The following SSR2 variants were observed in gnomAD, a reference collection of about 807,000 sequenced individuals.
SSR2 encodes the protein translocon-associated protein subunit beta.
In SSR2, 16 loss-of-function variants were observed where a neutral mutation model predicts 22.6. That is an observed-to-expected ratio of 0.71 (90% confidence interval 0.48 to 1.08). The LOEUF is 1.08. Ranked by LOEUF, SSR2 falls within the 50% of genes least tolerant of loss-of-function variation. The pLI, the probability that SSR2 is intolerant of heterozygous loss-of-function variation, is 0.00. For synonymous variants in SSR2, 83 were observed against 91.2 expected (o/e 0.91, Z 0.51); for missense variants, 171 against 221.6 (o/e 0.77, Z 1.45).
rs753594816 is a variant in SSR2 at position 156,009,611 on chromosome 1, T to G, written c.481A>C (p.Ile161Leu). Reference sequence around the variant, plus strand: ...TACCACAATAGCAGGGGGATGCCGATGGAGGGAAGGGTCATGACCCCAAAG... The same window carrying G: ...TACCACAATAGCAGGGGGATGCCGAGGGAGGGAAGGGTCATGACCCCAAAG... ...AAFGVMTLPS[I>L]GIPLLLWYSS... Residue 161 changes from isoleucine to leucine, a missense_variant, in exon 6 of 6, where the codon ATC becomes CTC. By Grantham distance (5) the Ile-to-Leu change is conservative. Coordinates refer to ENST00000295702, the MANE Select transcript of SSR2 (RefSeq NM_003145.4). The G allele has an allele frequency of 1.2e-6, 2 of 1,612,872 alleles. No homozygotes were observed. The highest frequency in any genetic ancestry group is 1.7e-6 in the Non-Finnish European group (2 of 1,179,578).
Position 156,011,800 on chromosome 1 carries a change from G to C in SSR2, c.441+10C>G, listed in dbSNP as rs190198059. ...AAGGAACTGATGAGAGAGAACACTA[G>C]AAAGCTTACAAAATGAGGGGAGAAT... On this transcript the variant is annotated intron_variant, in intron 5 of 5. Transcript: ENST00000295702. 1 of 1,612,050 alleles carries C rather than the reference G, an allele frequency of 6.2e-7. No individual in the cohort carries two copies. Among genetic ancestry groups the C allele is most frequent in the African/African-American group, 1.3e-5 (1 of 74,968 alleles).
At chr1:156,013,147 G>A (rs1683002118) in intron 4 of SSR2, 1 of 152,324 alleles carries the variant, frequency 6.6e-6, no homozygotes. Context: ...AATGAATAGT[G>A]GCCGGGCACG....
intron 2 of SSR2, among the ~76,000 whole-genome samples, chr1:156,018,657 C>CA (rs1478740940): frequency 1.1e-4 from 16 of 149,266 alleles, no homozygotes; most frequent in African/African-American, 3.7e-4. Context: ...TGCAGTGAGC[C>CA]AAGATCGCAC....
chr1:156,018,240 AC>A (rs1683089780), intron 3 of SSR2, 29 bp downstream of exon 3: 10 of 1,576,698 alleles, frequency 6.3e-6, no homozygotes, highest in Non-Finnish European at 8.7e-6. Context: ...CTGCCCCCCG[AC>A]CCTTCATCAC....
At position 156,015,205 on chromosome 1, in the gene SSR2, G is replaced by GA. The variant is rs1683033152; in HGVS notation, c.255-137dup. The stretch of plus-strand genomic sequence containing the variant: ...CATGCCGGCAATATTCTGCAGGAAT[G>GA]AAAAAATATAGGCTTCTTTGCCGGG... On this transcript the variant is annotated intron_variant, in intron 3 of 5. Transcript: ENST00000295702. 4.4e-6 allele frequency: 3 copies of GA among 677,118 alleles called. No individual in the cohort carries two copies. The African/African-American group carries it at 5.5e-5, about 12-fold the overall frequency. 41.9% of individuals were successfully genotyped at this position (677,118 alleles called of 1,614,324 possible).
At chr1:156,020,603 G>C (rs1330420002) in intron 1 of SSR2, 1 of 312,700 alleles carries the variant, frequency 3.2e-6, no homozygotes, top group East Asian at 8.5e-5. Context: ...TCCCACCGCG[G>C]ACTCGCGGGG....
At chr1:156,014,550 T>A (rs1170852487) in intron 4 of SSR2, 25 of 163,124 alleles carry the variant, frequency 1.5e-4, no homozygotes, top group Non-Finnish European at 1.3e-5. Flanking sequence ...ACTATATATA[T>A]ATATTTTTTG....
At chr1:156,020,783 C>T in intron 1 of SSR2, 105 bp downstream of exon 1, 1 of 435,616 alleles carries the variant, frequency 2.3e-6, no homozygotes, top group Non-Finnish European at 4.9e-6. Context: ...CCACCGCGTC[C>T]TCTGCCCTTC....
intron 2 of SSR2, among the ~76,000 whole-genome samples, chr1:156,019,488 G>A (rs1683113036): frequency 6.6e-6 from 1 of 152,072 alleles, no homozygotes; most frequent in African/African-American, 2.4e-5. Flanking sequence ...GGGTTCAAGC[G>A]ATTCTTTTGC....
At chr1:156,012,379 C>T in intron 4 of SSR2, 2 of 354,258 alleles carry the variant, frequency 5.6e-6, no homozygotes, top group South Asian at 4.3e-5. Flanking sequence ...AAGTATAAAG[C>T]CCTACCCAAA....
intron 5 of SSR2, 61 bp from the exon 6 acceptor site, chr1:156,009,711 G>A (rs1269818694): frequency 1.8e-6 from 2 of 1,090,804 alleles, no homozygotes; most frequent in South Asian, 1.5e-5. Flanking sequence ...AGAAGCCAGG[G>A]AAAATATGAG....
rs111397922 is a variant in SSR2 at position 156,018,651 on chromosome 1, G to A, written c.156-283C>T. Among the ~76,000 whole-genome samples, 1,244 of 151,194 alleles carry A rather than the reference G, an allele frequency of 8.2e-3. 22 individuals are homozygous for A. Among genetic ancestry groups the A allele is most frequent in the African/African-American group, 0.029 (1,200 of 41,158 alleles). On this transcript the variant is annotated intron_variant, in intron 2 of 5. Coordinates refer to ENST00000295702, the MANE Select transcript of SSR2 (RefSeq NM_003145.4). ...TGAACCCTGGGAGGCGGAGGTTGCA[G>A]TGAGCCAAGATCGCACCACTATACT...
chr1:156,013,386 A>AC (rs1326043192), intron 4 of SSR2: 8 of 153,310 alleles, frequency 5.2e-5, no homozygotes, highest in Non-Finnish European at 1.0e-4. Context: ...AGATTGCGCT[A>AC]CTGCACTGCA....
At chr1:156,017,411 G>A (rs1478832868) in intron 3 of SSR2, among the ~76,000 whole-genome samples, 4 of 151,978 alleles carry the variant, frequency 2.6e-5, no homozygotes, top group Non-Finnish European at 4.4e-5. Flanking sequence ...GTGCAGTGGC[G>A]CGATCTCAGC....
intron 5 of SSR2, among the ~76,000 whole-genome samples, chr1:156,009,965 G>A (rs905390086): frequency 6.6e-6 from 1 of 151,666 alleles, no homozygotes; most frequent in Non-Finnish European, 1.5e-5. Context: ...GTAGAGACTG[G>A]GTTTCACCAT....
chr1:156,020,629 T>C (rs1465293594), intron 1 of SSR2: 2 of 337,038 alleles, frequency 5.9e-6, no homozygotes, highest in Non-Finnish European at 1.2e-5. Context: ...CTCACATCCC[T>C]GTACCCCACT....
In SSR2 at chr1:156,009,496, A is replaced by T. The variant is rs2230575; in HGVS notation, c.*44T>A. The T allele has an allele frequency of 6.9e-7, 1 of 1,446,522 alleles. No homozygotes were observed. The highest frequency in any genetic ancestry group is 2.3e-5 in the East Asian group (1 of 44,112). The allele number at this position is 1,446,522 out of a possible 1,614,324, so 89.6% of individuals were successfully genotyped here. On this transcript the variant is annotated 3_prime_UTR_variant, in exon 6 of 6. Coordinates refer to ENST00000295702, the MANE Select transcript of SSR2 (RefSeq NM_003145.4). ...GGAAAGCACCTGGATTTCTTGGGAG[A>T]GGAGCCTGGATTTCTTGGGAGAGGA...
intron 1 of SSR2, chr1:156,020,574 G>T: frequency 3.3e-6 from 1 of 303,704 alleles, no homozygotes; most frequent in Non-Finnish European, 6.6e-6. Context: ...CCTCCTCCTT[G>T]GCCACAGCTC....
rs756408028 is a variant in SSR2, at chr1:156,012,129, TG to T, written c.364-243del. 61 of 416,126 alleles carry T rather than the reference TG, an allele frequency of 1.5e-4. 1 individual carries two copies. The highest frequency in any genetic ancestry group is 4.0e-4 in the Middle Eastern group (1 of 2,478). 25.8% of individuals were successfully genotyped at this position (416,126 alleles called of 1,614,324 possible). ...GCCAGAAGACCTGAGAAATACCCCA[TG>T]GAGAACATATATTAAACAAGGTAGG... On this transcript the variant is annotated intron_variant, in intron 4 of 5. Coordinates refer to ENST00000295702, the MANE Select transcript of SSR2 (RefSeq NM_003145.4).
Sources: gnomAD v4.1 joint callset for allele counts (sites outside exome capture counted in the v4.1 genomes callset) on GRCh38, gnomAD v4.1.1 for gene constraint, MANE v1.5 for transcripts, NCBI Gene and HGNC (gene_info 2026-07-23, HGNC 2026-07-21) for gene names.